Variants in MEF2D observed in about 807,000 individuals in gnomAD.
MEF2D encodes myocyte enhancer factor 2D.
MEF2D carries 10 observed loss-of-function variants against 59.3 expected under a neutral mutation model. The ratio of observed to expected loss-of-function variants is 0.17; its 90% CI spans 0.10 to 0.29. The LOEUF (loss-of-function observed/expected upper bound fraction) is 0.29. Among genes scored for constraint, MEF2D ranks in the 10% least tolerant of loss-of-function variants. The pLI is 1.00. For synonymous variants in MEF2D, 305 were observed against 295.0 expected, an observed-to-expected ratio of 1.03 and a Z score of -0.35; for missense variants, 508 against 699.4, an observed-to-expected ratio of 0.73 and a Z score of 3.09.
At chr1:156,483,150 C>A (rs1672130791) in intron 2 of MEF2D, 89 bp downstream of exon 2, 8 of 1,378,884 alleles carry the variant, frequency 5.8e-6, no homozygotes, top group South Asian at 1.2e-5. Context: ...CCCTCTTCCA[C>A]AAAGCCCTCT....
At chr1:156,482,930 A>G (rs900126102) in intron 2 of MEF2D, among the ~76,000 whole-genome samples, 2 of 152,224 alleles carry the variant, frequency 1.3e-5, no homozygotes, top group African/African-American at 2.4e-5. Context: ...GTGGAGAAGA[A>G]GAGGGAGAGG....
chr1:156,492,595 G>C (rs868588826), intron 1 of MEF2D, among the ~76,000 whole-genome samples: 1 of 152,096 alleles, frequency 6.6e-6, no homozygotes, highest in Non-Finnish European at 1.5e-5. Flanking sequence ...GCTATCTAAC[G>C]GCCATCCCTC....
At chr1:156,470,056 G>C (rs1482698383) in intron 9 of MEF2D, among the ~76,000 whole-genome samples, 1 of 152,250 alleles carries the variant, frequency 6.6e-6, no homozygotes. Context: ...CTCCCCATGA[G>C]GGGGTGTTCA....
At chr1:156,476,625 C>T in intron 7 of MEF2D, 111 bp from the exon 8 acceptor site, 1 of 1,335,782 alleles carries the variant, frequency 7.5e-7, no homozygotes, top group Non-Finnish European at 1.1e-6. Context: ...AGTAGGGTGG[C>T]TCTACCCAGC....
chr1:156,493,948 C>A (rs1049828305), intron 1 of MEF2D, among the ~76,000 whole-genome samples: 2 of 152,062 alleles, frequency 1.3e-5, no homozygotes, highest in Non-Finnish European at 2.9e-5. Context: ...GACACCTGTC[C>A]CCACCCAGCC....
chr1:156,475,335 AGCC>A, intron 8 of MEF2D, 98 bp from the exon 9 acceptor site: 1 of 1,431,334 alleles, frequency 7.0e-7, no homozygotes. Context: ...TGAATCCCAA[AGCC>A]AAGGCGGGGT....
chr1:156,473,571 T>C (rs2102028455), intron 9 of MEF2D, among the ~76,000 whole-genome samples: 1 of 152,342 alleles, frequency 6.6e-6, no homozygotes, highest in East Asian at 1.9e-4. Flanking sequence ...ACAAGGCGTT[T>C]CCTTACTGGC....
At chr1:156,497,074 C>T (rs1673174045) in intron 1 of MEF2D, among the ~76,000 whole-genome samples, 2 of 152,252 alleles carry the variant, frequency 1.3e-5, no homozygotes, top group African/African-American at 4.8e-5. Context: ...CCCCCAGCTT[C>T]CCCACTGGGA....
intron 1 of MEF2D, among the ~76,000 whole-genome samples, 175 bp from the exon 2 acceptor site, chr1:156,483,605 A>G (rs1672163401): frequency 6.6e-6 from 1 of 152,188 alleles, no homozygotes; most frequent in African/African-American, 2.4e-5. Flanking sequence ...AGCCAGGCAC[A>G]AGCTGGAGCT....
In MEF2D at chr1:156,477,088, T is replaced by C; in HGVS notation, c.779A>G (p.Gln260Arg). Residue 260 changes from glutamine to arginine, a missense_variant, in exon 7 of 12, where the codon CAG becomes CGG. Gln to Arg is a conservative substitution (Grantham distance 43). Around this residue, in one of 2 missense-constraint regions of MEF2D, gnomAD observed 481 missense variants for 584.7 expected, o/e 0.82. Transcript: ENST00000348159. Reference sequence around the variant, plus strand: ...GGGCTTGCGGCTGGGGGCTCCAAGCTGGGTGCTGTGGGTAGGTGGGGGTGG... The same window carrying C: ...GGGCTTGCGGCTGGGGGCTCCAAGCCGGGTGCTGTGGGTAGGTGGGGGTGG... ...KSPPPPTHSTQLGAPSRKPDL... is the reference protein window; with the variant it reads ...KSPPPPTHSTRLGAPSRKPDL... The C allele has an allele frequency of 6.2e-7, 1 of 1,613,924 alleles. No homozygotes were observed. The highest frequency in any genetic ancestry group is 1.1e-5 in the South Asian group (1 of 91,074).
chr1:156,489,579 GAC>G (rs1283706333), intron 1 of MEF2D, among the ~76,000 whole-genome samples: 2 of 151,962 alleles, frequency 1.3e-5, no homozygotes, highest in African/African-American at 4.8e-5. Flanking sequence ...GAGAACAAGA[GAC>G]AGGTTCAACA....
chr1:156,477,314 T>A, intron 6 of MEF2D, 112 bp from the exon 7 acceptor site: 1 of 928,154 alleles, frequency 1.1e-6, no homozygotes, highest in Non-Finnish European at 1.6e-6. Context: ...AAGCCATGCT[T>A]AGGCTTTGAG....
At chr1:156,488,914 G>T (rs964037806) in intron 1 of MEF2D, among the ~76,000 whole-genome samples, 2 of 152,090 alleles carry the variant, frequency 1.3e-5, no homozygotes, top group African/African-American at 4.8e-5. Flanking sequence ...GCTCTTGGCA[G>T]GGGAGTACCT....
intron 11 of MEF2D, 144 bp downstream of exon 11, chr1:156,467,849 G>A (rs931353237): frequency 1.0e-5 from 12 of 1,154,764 alleles, no homozygotes; most frequent in African/African-American, 1.6e-5. Flanking sequence ...GTGAAGGGGT[G>A]TTGGTGCTGC....
intron 1 of MEF2D, among the ~76,000 whole-genome samples, chr1:156,499,821 T>C (rs1673374549): frequency 2.0e-5 from 3 of 151,656 alleles, no homozygotes; most frequent in Admixed American, 2.0e-4. Flanking sequence ...CAAGGAAGGG[T>C]CCTGCGTGCC....
At chr1:156,494,386 C>G (rs569046836) in intron 1 of MEF2D, among the ~76,000 whole-genome samples, 1 of 152,096 alleles carries the variant, frequency 6.6e-6, no homozygotes, top group Admixed American at 6.5e-5. Flanking sequence ...GAGAGAATCA[C>G]GAGGGATAAG....
At chr1:156,474,292 T>C (rs1047730714) in intron 9 of MEF2D, among the ~76,000 whole-genome samples, 2 of 151,984 alleles carry the variant, frequency 1.3e-5, no homozygotes, top group Non-Finnish European at 2.9e-5. Context: ...CTACTAAAGA[T>C]ACAAAAATTA....
intron 1 of MEF2D, among the ~76,000 whole-genome samples, chr1:156,488,589 T>C (rs909858554): frequency 1.3e-5 from 2 of 152,096 alleles, no homozygotes; most frequent in Non-Finnish European, 1.5e-5. Context: ...TACATGCAAA[T>C]GAGCTACACA....
chr1:156,474,123 T>G (rs1571225456), intron 9 of MEF2D, among the ~76,000 whole-genome samples: 1 of 152,354 alleles, frequency 6.6e-6, no homozygotes, highest in South Asian at 2.1e-4. Context: ...GGCTGCAGGC[T>G]TTCTGAGGAC....
Sources: gnomAD v4.1 joint callset for allele counts (sites outside exome capture counted in the v4.1 genomes callset) on GRCh38, gnomAD v4.1.1 for gene constraint, gnomAD v4.1.1 regional missense constraint, MANE v1.5 for transcripts, NCBI Gene and HGNC (gene_info 2026-07-23, HGNC 2026-07-21) for gene names.